Variants in ATP6V1C1 observed in about 807,000 individuals in gnomAD.
ATP6V1C1 encodes the protein V-type proton ATPase subunit C 1.
A neutral mutation model predicts 53.9 loss-of-function variants in ATP6V1C1; 45 were observed. That is an observed-to-expected ratio of 0.83 (90% confidence interval 0.66 to 1.07). The LOEUF (loss-of-function observed/expected upper bound fraction) is 1.07. Among genes scored for constraint, ATP6V1C1 ranks in the 50% least tolerant of loss-of-function variants. The probability of loss-of-function intolerance (pLI) is 0.00; values close to 1 mark genes in which losing one functional copy is unlikely to be tolerated. For synonymous variants in ATP6V1C1, 153 were observed against 155.2 expected, an observed-to-expected ratio of 0.99 and a Z score of 0.11; for missense variants, 315 against 440.3, an observed-to-expected ratio of 0.72 and a Z score of 2.55.
At chr8:103,044,014 G>T (rs1343335168) in intron 3 of ATP6V1C1, among the ~76,000 whole-genome samples, 1 of 151,962 alleles carries the variant, frequency 6.6e-6, no homozygotes, top group Admixed American at 6.6e-5. Flanking sequence ...TCAGCCTCCC[G>T]AGTAGCTGAG....
chr8:103,037,830 A>G (rs1301763404), intron 1 of ATP6V1C1, among the ~76,000 whole-genome samples: 1 of 152,198 alleles, frequency 6.6e-6, no homozygotes, highest in African/African-American at 2.4e-5. Flanking sequence ...ATGAAATCTT[A>G]CCTACAAAAC....
intron 3 of ATP6V1C1, among the ~76,000 whole-genome samples, chr8:103,043,925 G>A (rs1817048620): frequency 6.6e-6 from 1 of 152,074 alleles, no homozygotes; most frequent in African/African-American, 2.4e-5. Context: ...GTCTCGCTCT[G>A]TTGCCCAGGC....
intron 1 of ATP6V1C1, among the ~76,000 whole-genome samples, chr8:103,025,937 C>A (rs1313637931): frequency 6.6e-6 from 1 of 152,220 alleles, no homozygotes; most frequent in Non-Finnish European, 1.5e-5. Flanking sequence ...TCAGCACCTT[C>A]TAGCAGAATG....
At chr8:103,025,037 A>T (rs1816671276) in intron 1 of ATP6V1C1, among the ~76,000 whole-genome samples, 1 of 151,864 alleles carries the variant, frequency 6.6e-6, no homozygotes, top group Non-Finnish European at 1.5e-5. Flanking sequence ...TATATCTAAA[A>T]TGTGGGGTGT....
chr8:103,058,378 G>A (rs564970457), intron 8 of ATP6V1C1, among the ~76,000 whole-genome samples: 1 of 152,348 alleles, frequency 6.6e-6, no homozygotes, highest in African/African-American at 2.4e-5. Context: ...TAGTCAGAGA[G>A]AACATAGCAC....
chr8:103,039,718 C>CTG (rs1236820966), intron 1 of ATP6V1C1, among the ~76,000 whole-genome samples: 3 of 151,906 alleles, frequency 2.0e-5, no homozygotes, highest in Non-Finnish European at 4.4e-5. Context: ...TTTCCCCCTT[C>CTG]TGTGTGTGTG....
chr8:103,028,443 T>C (rs1816735965), intron 1 of ATP6V1C1, among the ~76,000 whole-genome samples: 1 of 152,236 alleles, frequency 6.6e-6, no homozygotes, highest in Admixed American at 6.5e-5. Flanking sequence ...CTTCTGTCCA[T>C]AGCCTTCAAG....
At chr8:103,059,337 T>C (rs973826610) in intron 8 of ATP6V1C1, among the ~76,000 whole-genome samples, 3 of 152,138 alleles carry the variant, frequency 2.0e-5, no homozygotes, top group Admixed American at 6.5e-5. Flanking sequence ...CCCAACCACA[T>C]ACCTGGTTCC....
At chr8:103,066,503 T>G in intron 12 of ATP6V1C1, 56 bp downstream of exon 12, 1 of 1,476,734 alleles carries the variant, frequency 6.8e-7, no homozygotes, top group Non-Finnish European at 9.0e-7. Flanking sequence ...AGAAAAAAAA[T>G]GATTGAAAGA....
At chr8:103,064,567 G>A in intron 10 of ATP6V1C1, 147 bp from the exon 11 acceptor site, 1 of 598,126 alleles carries the variant, frequency 1.7e-6, no homozygotes. Flanking sequence ...CTGAGATAAT[G>A]AGAATAATAG....
intron 10 of ATP6V1C1, among the ~76,000 whole-genome samples, chr8:103,063,735 T>C (rs149671223): frequency 2.8e-4 from 43 of 152,266 alleles, no homozygotes; most frequent in African/African-American, 1.0e-3. Flanking sequence ...ACGAGTGGAA[T>C]TGTGAAAATC....
chr8:103,042,320 A>G lies in ATP6V1C1; in HGVS notation c.133-20A>G, dbSNP rs757188353. The G allele has an allele frequency of 1.2e-6, 2 of 1,611,122 alleles. No individual in the cohort carries two copies. The highest frequency in any genetic ancestry group is 1.7e-5 in the Admixed American group (1 of 59,926). The stretch of plus-strand genomic sequence containing the variant: ...TTTAAAAAAGCATGCCACCTAAATA[A>G]CAATATATTTTCCTTTTAGGTTGGC... On this transcript the variant is annotated intron_variant, in intron 2 of 12. Coordinates refer to ENST00000518738, the MANE Select transcript of ATP6V1C1 (RefSeq NM_001695.5).
In ATP6V1C1 at chr8:103,036,372, A is replaced by G. The variant is rs144336813; in HGVS notation, c.-39-4426A>G. ...CTTTCCTCCTCATCTTCCAACACCT[A>G]GGCTCTAGGGAGGTCTCAGTTAAAA... On this transcript the variant is annotated intron_variant, in intron 1 of 12. Coordinates refer to ENST00000518738, the MANE Select transcript of ATP6V1C1 (RefSeq NM_001695.5). Among the ~76,000 whole-genome samples, 314 of 152,312 alleles carry G rather than the reference A, an allele frequency of 2.1e-3. 1 individual carries two copies. The highest frequency in any genetic ancestry group is 3.3e-3 in the Non-Finnish European group (224 of 68,018).
intron 12 of ATP6V1C1, among the ~76,000 whole-genome samples, chr8:103,068,313 G>A (rs1817530166): frequency 1.3e-5 from 2 of 152,032 alleles, no homozygotes; most frequent in African/African-American, 4.8e-5. Flanking sequence ...TGTAAGTCTT[G>A]TATCCCATCA....
chr8:103,054,078 C>T (rs1331484126), intron 7 of ATP6V1C1, 96 bp downstream of exon 7: 13 of 938,234 alleles, frequency 1.4e-5, no homozygotes, highest in Non-Finnish European at 1.7e-5. Context: ...AAAATCCAAG[C>T]GTAAAAGGAA....
At position 103,055,886 on chromosome 8, in the gene ATP6V1C1, G is replaced by A; in HGVS notation, c.591G>A (p.Trp197Ter). 6.2e-7 allele frequency: 1 copy of A among 1,612,168 alleles called. No individual in the cohort carries two copies. ...TCTGCAGGTTAAACCACAACGACTGGATTAAGCAGTATGAAACACTAGCCG... is the reference window on the plus strand; with the variant it reads ...TCTGCAGGTTAAACCACAACGACTGAATTAAGCAGTATGAAACACTAGCCG... The part of the protein sequence containing the change: ...VVVPKLNHND[W>*]IKQYETLAEM... Residue 197 changes from tryptophan (W) to a stop codon, truncating the protein, a stop_gained, in exon 8 of 13, where the codon TGG becomes TGA. Coordinates refer to ENST00000518738, the MANE Select transcript of ATP6V1C1 (RefSeq NM_001695.5). LOFTEE classifies it high-confidence loss of function.
intron 2 of ATP6V1C1, 85 bp downstream of exon 2, chr8:103,041,053 A>G: frequency 7.1e-7 from 1 of 1,412,614 alleles, no homozygotes; most frequent in Admixed American, 2.5e-5. Context: ...TGAGATACCC[A>G]GGTTCCTTCC....
At chr8:103,063,339 A>G in intron 10 of ATP6V1C1, 111 bp downstream of exon 10, 1 of 707,210 alleles carries the variant, frequency 1.4e-6, no homozygotes, top group Non-Finnish European at 2.2e-6. Context: ...AAGACATTTG[A>G]TTTTAGTTTT....
At chr8:103,041,929 G>A (rs1392346813) in intron 2 of ATP6V1C1, among the ~76,000 whole-genome samples, 1 of 152,098 alleles carries the variant, frequency 6.6e-6, no homozygotes, top group Non-Finnish European at 1.5e-5. Context: ...TTGGAGTTAC[G>A]GATACCTTTG....
Sources: gnomAD v4.1 joint callset for allele counts (sites outside exome capture counted in the v4.1 genomes callset) on GRCh38, gnomAD v4.1.1 for gene constraint, MANE v1.5 for transcripts, NCBI Gene and HGNC (gene_info 2026-07-23, HGNC 2026-07-21) for gene names.